TGFBRAP1: variants seen among roughly 807,000 people sequenced by gnomAD.
The protein encoded by TGFBRAP1 is transforming growth factor beta receptor associated protein 1, also known as transforming growth factor-beta receptor-associated protein 1.
A neutral mutation model predicts 83.2 loss-of-function variants in TGFBRAP1; 20 were observed. The ratio of observed to expected loss-of-function variants is 0.24; its 90% CI spans 0.17 to 0.35. TGFBRAP1 has a LOEUF of 0.35. TGFBRAP1 is among the 10% of genes least tolerant of loss of function. TGFBRAP1 has a pLI of 1.00. For synonymous variants in TGFBRAP1, 415 were observed against 459.8 expected (o/e 0.90, Z 1.25); for missense variants, 950 against 1,099.4 (o/e 0.86, Z 1.92).
intron 5 of TGFBRAP1, among the ~76,000 whole-genome samples, chr2:105,281,925 T>C (rs1307460736): frequency 6.6e-6 from 1 of 151,998 alleles, no homozygotes; most frequent in Non-Finnish European, 1.5e-5. Flanking sequence ...GCTGCTGCCA[T>C]TAAACACCCT....
the TGFBRAP1 span, among the ~76,000 whole-genome samples, chr2:105,250,890 G>C: frequency 6.6e-6 from 1 of 152,220 alleles, no homozygotes; most frequent in Non-Finnish European, 1.5e-5. Flanking sequence ...TCCTAACCGC[G>C]AGTGATCTGC....
Position 105,308,322 on chromosome 2 carries a change from G to C in TGFBRAP1, c.-17-4C>G, listed in dbSNP as rs758462741. ...ATCATGTCTACTGGCTGATCTGCTG[G>C]AAGAGAAAGAGGAAAACTAATTTTA... On this transcript the variant is annotated splice_region_variant and splice_polypyrimidine_tract_variant and intron_variant, in intron 1 of 11. Transcript: ENST00000393359. The C allele has an allele frequency of 3.6e-5, 57 of 1,583,054 alleles. No homozygotes were observed. In the Admixed American group the frequency reaches 9.8e-4, roughly 27 times the overall value.
At chr2:105,312,940 T>C (rs2679857) in intron 1 of TGFBRAP1, among the ~76,000 whole-genome samples, 109,277 of 151,676 alleles carry the variant, frequency 0.72, 39,581 homozygotes, top group East Asian at 0.82. Flanking sequence ...GGTGAAACCT[T>C]GCTTCTACTA....
Position 105,265,362 on chromosome 2 carries a change from G to C in TGFBRAP1, c.*2021C>G, listed in dbSNP as rs530762956. ...CATGCACCTGTAGTCCCAGCTACTC[G>C]GGAGGCTGAGGCAGCAGAATCGCTT... On this transcript the variant is annotated 3_prime_UTR_variant, in exon 12 of 12. Transcript: ENST00000393359. The C allele has an allele frequency of 6.6e-6, 1 of 152,152 alleles. No homozygotes were observed. The highest frequency in any genetic ancestry group is 2.1e-4 in the South Asian group (1 of 4,806). 9.4% of individuals were successfully genotyped at this position (152,152 alleles called of 1,614,324 possible).
chr2:105,295,015 T>C (rs1230279938), intron 4 of TGFBRAP1, among the ~76,000 whole-genome samples: 1 of 152,186 alleles, frequency 6.6e-6, no homozygotes, highest in Non-Finnish European at 1.5e-5. Flanking sequence ...GATCTGCCTC[T>C]GGTCTGCACC....
intron 2 of TGFBRAP1, among the ~76,000 whole-genome samples, chr2:105,304,273 T>A (rs528194544): frequency 6.6e-6 from 1 of 152,318 alleles, no homozygotes; most frequent in South Asian, 2.1e-4. Flanking sequence ...ATGATGTGTA[T>A]AAACTGAGAG....
chr2:105,258,782 C>T, the TGFBRAP1 span, among the ~76,000 whole-genome samples: 1 of 151,624 alleles, frequency 6.6e-6, no homozygotes, highest in African/African-American at 2.4e-5. Flanking sequence ...CACTGTCTCT[C>T]TCTCTCTCCT....
chr2:105,291,479 G>A (rs573189563), intron 4 of TGFBRAP1, among the ~76,000 whole-genome samples: 2 of 152,240 alleles, frequency 1.3e-5, no homozygotes, highest in African/African-American at 4.8e-5. Flanking sequence ...GAGAATGATT[G>A]GTTCATAACA....
chr2:105,314,205 G>A (rs1301967131), intron 1 of TGFBRAP1, among the ~76,000 whole-genome samples: 2 of 149,310 alleles, frequency 1.3e-5, no homozygotes, highest in African/African-American at 4.9e-5. Context: ...AAACTCTGAA[G>A]TAATATTTCT....
chr2:105,273,474 C>A, intron 9 of TGFBRAP1, 70 bp downstream of exon 9: 1 of 1,581,852 alleles, frequency 6.3e-7, no homozygotes, highest in Non-Finnish European at 8.6e-7. Flanking sequence ...GAATCACATG[C>A]CAAAAAGTGT....
chr2:105,311,473 T>C (rs907500241), intron 1 of TGFBRAP1, among the ~76,000 whole-genome samples: 4 of 152,086 alleles, frequency 2.6e-5, no homozygotes, highest in African/African-American at 7.2e-5. Context: ...TATTCCCTCC[T>C]CCTCAGGAGG....
chr2:105,298,402 G>A, intron 3 of TGFBRAP1, 109 bp downstream of exon 3: 2 of 1,199,600 alleles, frequency 1.7e-6, no homozygotes, highest in Non-Finnish European at 1.2e-6. Context: ...GGAGTCATCT[G>A]TGTATCTTTT....
chr2:105,249,730 A>G, the TGFBRAP1 span: 1 of 152,254 alleles, frequency 6.6e-6, no homozygotes, highest in Admixed American at 6.5e-5. Context: ...ATTTGATTAC[A>G]TTAAAGGAAA....
At position 105,269,144 on chromosome 2, in the gene TGFBRAP1, T is replaced by C. The variant is rs1225783504; in HGVS notation, c.2406+128A>G. Reference sequence around the variant, plus strand: ...CTCAGTTTCTATGAGTAGGATCAGATATTGATGTGTTGTAGTCATAGAGAC... The same window carrying C: ...CTCAGTTTCTATGAGTAGGATCAGACATTGATGTGTTGTAGTCATAGAGAC... On this transcript the variant is annotated intron_variant, in intron 11 of 11. Transcript: ENST00000393359. This position sits in a 1 kb window ranked among gnomAD's most constrained non-coding sequence, Gnocchi z 4.1. 2 of 1,184,802 alleles carry C rather than the reference T, an allele frequency of 1.7e-6. No homozygotes were observed. The highest frequency in any genetic ancestry group is 2.9e-5 in the Admixed American group (1 of 34,170). 73.4% of individuals were successfully genotyped at this position (1,184,802 alleles called of 1,614,324 possible).
chr2:105,321,704 G>T (rs1322915368), intron 1 of TGFBRAP1, among the ~76,000 whole-genome samples: 1 of 152,126 alleles, frequency 6.6e-6, no homozygotes, highest in Non-Finnish European at 1.5e-5. Context: ...GTCCCATAAG[G>T]TTATAATGGA....
chr2:105,310,667 C>T (rs1678661206), intron 1 of TGFBRAP1, among the ~76,000 whole-genome samples: 1 of 152,200 alleles, frequency 6.6e-6, no homozygotes, highest in South Asian at 2.1e-4. Flanking sequence ...CTGGCACAAA[C>T]AGCTCTTAAA....
intron 4 of TGFBRAP1, among the ~76,000 whole-genome samples, chr2:105,284,969 CA>C (rs755845169): frequency 6.6e-6 from 1 of 152,208 alleles, no homozygotes; most frequent in Non-Finnish European, 1.5e-5. Context: ...CCCACATTTC[CA>C]TGACCACTTT....
At chr2:105,251,754 T>C in the TGFBRAP1 span, among the ~76,000 whole-genome samples, 51 of 151,724 alleles carry the variant, frequency 3.4e-4, 1 homozygote, top group South Asian at 8.9e-3. Flanking sequence ...CATGTCTGTG[T>C]AGAAAGAGGT....
At chr2:105,328,339 C>T (rs1679279575) in intron 1 of TGFBRAP1, among the ~76,000 whole-genome samples, 1 of 152,204 alleles carries the variant, frequency 6.6e-6, no homozygotes, top group South Asian at 2.1e-4. Context: ...CTTTCTAGTA[C>T]TCCAGGCAGC....
Sources: allele counts gnomAD v4.1 joint callset (sites outside exome capture counted in the v4.1 genomes callset), GRCh38; gene constraint gnomAD v4.1.1; non-coding constraint Gnocchi (gnomAD v3.1); transcripts MANE v1.5; gene names NCBI Gene and HGNC (gene_info 2026-07-23, HGNC 2026-07-21).